The following AKAP12 variants were observed in gnomAD, a reference collection of about 807,000 sequenced individuals.
The protein encoded by AKAP12 is A-kinase anchor protein 12.
In AKAP12, 32 loss-of-function variants were observed where a neutral mutation model predicts 79.9. That is an observed-to-expected ratio of 0.40 (90% CI 0.30 to 0.54). The LOEUF is 0.54. AKAP12 is among the 20% of genes least tolerant of loss of function. The pLI is 0.48. For missense variants in AKAP12, 2,074 were observed against 2,177.0 expected, an observed-to-expected ratio of 0.95 and a Z score of 0.94; for synonymous variants, 808 against 857.0, an observed-to-expected ratio of 0.94 and a Z score of 1.00.
At chr6:151,311,292 C>T (rs4870010) in intron 3 of AKAP12, among the ~76,000 whole-genome samples, 30,466 of 152,224 alleles carry the variant, frequency 0.2, 3,689 homozygotes, top group Non-Finnish European at 0.28. Context: ...GTTCACACCT[C>T]TTGTGTACCC....
intron 3 of AKAP12, among the ~76,000 whole-genome samples, chr6:151,312,785 T>C (rs1162376766): frequency 2.1e-5 from 2 of 96,970 alleles, no homozygotes; most frequent in South Asian, 4.0e-4. Context: ...AGAGGGAGAC[T>C]CTGTCTCCAA....
intron 2 of AKAP12, among the ~76,000 whole-genome samples, chr6:151,264,136 A>C (rs1231594973): frequency 6.6e-6 from 1 of 152,138 alleles, no homozygotes; most frequent in African/African-American, 2.4e-5. Context: ...AAGGAAGAGA[A>C]TGGAGAACAT....
intron 3 of AKAP12, chr6:151,325,953 C>A: frequency 6.2e-7 from 1 of 1,611,642 alleles, no homozygotes; most frequent in East Asian, 2.2e-5. Flanking sequence ...AAGGGGCTTT[C>A]TTCCGTTGAA....
Position 151,353,063 on chromosome 6 carries a change from G to T in AKAP12, c.4672G>T (p.Val1558Phe). Residue 1558 changes from valine (V) to phenylalanine (F), a missense_variant, in exon 4 of 5, where the codon GTT becomes TTT. This residue lies in a region of AKAP12 where 614 missense variants were observed against 665.6 expected (regional missense o/e 0.92). Coordinates refer to ENST00000402676, the MANE Select transcript of AKAP12 (RefSeq NM_005100.4). ...TGTCCAAAACATCATCCAGACAGCC[G>T]TTGACCAGTTTGTACGTACAGAAGA... Reference protein sequence around the residue: ...KLVQNIIQTAVDQFVRTEETA... With the variant: ...KLVQNIIQTAFDQFVRTEETA... 1 of 1,614,170 alleles carries T rather than the reference G, an allele frequency of 6.2e-7. No homozygotes were observed. The highest frequency in any genetic ancestry group is 8.5e-7 in the Non-Finnish European group (1 of 1,180,042).
chr6:151,255,412 C>G (rs1439062248), intron 2 of AKAP12, among the ~76,000 whole-genome samples: 1 of 152,036 alleles, frequency 6.6e-6, no homozygotes. Flanking sequence ...CCACCTGCCT[C>G]GGCTTCCCAA....
At chr6:151,322,354 G>C (rs902614428) in intron 3 of AKAP12, among the ~76,000 whole-genome samples, 7 of 152,142 alleles carry the variant, frequency 4.6e-5, no homozygotes, top group African/African-American at 1.4e-4. Context: ...TGGCTACTCA[G>C]ATTCTTTGCT....
chr6:151,317,092 C>T (rs1218360100), intron 3 of AKAP12, among the ~76,000 whole-genome samples: 1 of 152,212 alleles, frequency 6.6e-6, no homozygotes, highest in African/African-American at 2.4e-5. Flanking sequence ...CAGCTCATAA[C>T]ACCGCCTCCA....
At position 151,240,610 on chromosome 6, in the gene AKAP12, C is replaced by G. The variant is rs1796952026; in HGVS notation, c.48C>G (p.Pro16=). 2.1e-6 allele frequency: 3 copies of G among 1,408,046 alleles called. No homozygotes were observed. The highest frequency in any genetic ancestry group is 2.5e-4 in the Middle Eastern group (1 of 3,950). The allele number at this position is 1,408,046 out of a possible 1,614,324, so 87.2% of individuals were successfully genotyped here. ...STEQRSPEQP[P]EGSSTPAEPE... Reference sequence around the variant, plus strand: ...AGCAGCGCAGCCCGGAGCAGCCGCCCGAGGGGAGCTCCACGCCGGCTGAGC... The same window carrying G: ...AGCAGCGCAGCCCGGAGCAGCCGCCGGAGGGGAGCTCCACGCCGGCTGAGC... Residue 16 remains proline (P), a synonymous_variant, in exon 2 of 5, where the codon CCC becomes CCG. Coordinates refer to ENST00000402676, the MANE Select transcript of AKAP12 (RefSeq NM_005100.4).
At chr6:151,324,499 C>T (rs1436689700) in intron 3 of AKAP12, 5 of 985,336 alleles carry the variant, frequency 5.1e-6, no homozygotes, top group South Asian at 4.7e-5. Context: ...TCCTGTTCCT[C>T]GCCCACCCTT....
rs190957957 is a variant in AKAP12, at chr6:151,286,501, G to T, written c.163-19246G>T. On this transcript the variant is annotated intron_variant, in intron 2 of 4. Transcript: ENST00000402676. ...GATGGGGCGTCGGCTTGCATTCTTCGGAAACAGAAAACAAAACAAAGAAAC... is the reference window on the plus strand; with the variant it reads ...GATGGGGCGTCGGCTTGCATTCTTCTGAAACAGAAAACAAAACAAAGAAAC... 8.5e-5 allele frequency among the ~76,000 whole-genome samples: 13 copies of T among 152,230 alleles called. No homozygotes were observed. In the East Asian group the frequency reaches 2.5e-3, roughly 29 times the overall value.
intron 2 of AKAP12, among the ~76,000 whole-genome samples, chr6:151,263,205 T>C (rs1797471591): frequency 6.6e-6 from 1 of 152,222 alleles, no homozygotes. Context: ...CTGGCTAATT[T>C]ATACATTTTT....
In AKAP12 at chr6:151,353,048, A is replaced by G; in HGVS notation, c.4657A>G (p.Ile1553Val). 1 of 1,614,250 alleles carries G rather than the reference A, an allele frequency of 6.2e-7. No individual in the cohort carries two copies. The change falls in exon 4 of 5, where the codon ATC (isoleucine) becomes GTC (valine). Residue 1553 changes from isoleucine (I) to valine (V), a missense_variant. Transcript: ENST00000402676. ...ETKSSKLVQNIIQTAVDQFVR... is the reference protein window; with the variant it reads ...ETKSSKLVQNVIQTAVDQFVR... ...CAAAAGCAGTAAACTTGTCCAAAAC[A>G]TCATCCAGACAGCCGTTGACCAGTT...
chr6:151,325,663 G>A, intron 3 of AKAP12: 3 of 1,410,056 alleles, frequency 2.1e-6, no homozygotes, highest in Non-Finnish European at 2.8e-6. Context: ...CTGGGGAAAT[G>A]CATCCGCGCT....
Position 151,349,940 on chromosome 6 carries a change from A to C in AKAP12, c.1549A>C (p.Lys517Gln). 1 of 1,614,148 alleles carries C rather than the reference A, an allele frequency of 6.2e-7. No homozygotes were observed. The change falls in exon 4 of 5, where the codon AAG (lysine) becomes CAG (glutamine). Residue 517 changes from lysine (K) to glutamine (Q), a missense_variant. By Grantham distance (53) the Lys-to-Gln change is moderately conservative. Coordinates refer to ENST00000402676, the MANE Select transcript of AKAP12 (RefSeq NM_005100.4). ...ERMKVQGSPL[K>Q]KLFTSTGLKK... The stretch of plus-strand genomic sequence containing the variant: ...AATGAAGGTGCAGGGAAGTCCACTA[A>C]AGAAGCTTTTTACCAGCACTGGCTT...
intron 3 of AKAP12, among the ~76,000 whole-genome samples, chr6:151,338,435 CAA>C (rs1405503010): frequency 6.7e-6 from 1 of 149,404 alleles, no homozygotes; most frequent in Non-Finnish European, 1.5e-5. Context: ...TTGCCTATAT[CAA>C]TTTAGGTTAG....
At chr6:151,325,122 G>C in intron 3 of AKAP12, 1 of 985,428 alleles carries the variant, frequency 1.0e-6, no homozygotes, top group Non-Finnish European at 1.2e-6. Context: ...AAGAGTTTAG[G>C]AAACAGCACT....
chr6:151,325,217 C>T, intron 3 of AKAP12: 1 of 985,324 alleles, frequency 1.0e-6, no homozygotes, highest in Non-Finnish European at 1.2e-6. Flanking sequence ...GCTACAGATG[C>T]CAAGAAGGGA....
intron 4 of AKAP12, among the ~76,000 whole-genome samples, chr6:151,354,582 C>A (rs1198902612): frequency 6.7e-6 from 1 of 148,942 alleles, no homozygotes; most frequent in East Asian, 2.0e-4. Context: ...ACCGTGTTAG[C>A]CAGGAGGTCT....
intron 2 of AKAP12, among the ~76,000 whole-genome samples, chr6:151,264,112 G>T (rs1271606605): frequency 6.6e-6 from 1 of 152,068 alleles, no homozygotes; most frequent in African/African-American, 2.4e-5. Flanking sequence ...ATGCAGAAGG[G>T]ATTGAATAAA....
Sources: gnomAD v4.1 joint callset for allele counts (sites outside exome capture counted in the v4.1 genomes callset) on GRCh38, gnomAD v4.1.1 for gene constraint, gnomAD v4.1.1 regional missense constraint, MANE v1.5 for transcripts, NCBI Gene and HGNC (gene_info 2026-07-23, HGNC 2026-07-21) for gene names.